Variants in KIAA1328 observed in about 807,000 individuals in gnomAD.
KIAA1328 encodes the protein protein hinderin.
A neutral mutation model predicts 68.1 loss-of-function variants in KIAA1328; 52 were observed. The ratio of observed to expected loss-of-function variants is 0.76; its 90% CI spans 0.61 to 0.96. The LOEUF (loss-of-function observed/expected upper bound fraction) is 0.96. KIAA1328 is among the 40% of genes least tolerant of loss of function. The probability of loss-of-function intolerance (pLI) is 0.00; values close to 1 mark genes in which losing one functional copy is unlikely to be tolerated. For synonymous variants in KIAA1328, 232 were observed against 239.4 expected, an observed-to-expected ratio of 0.97 and a Z score of 0.28; for missense variants, 641 against 677.6, an observed-to-expected ratio of 0.95 and a Z score of 0.60.
In KIAA1328 at chr18:37,172,964, T is replaced by G. The variant is rs757549749; in HGVS notation, c.1415-9T>G. On this transcript the variant is annotated splice_polypyrimidine_tract_variant and intron_variant, in intron 8 of 9. Coordinates refer to ENST00000280020, the MANE Select transcript of KIAA1328 (RefSeq NM_020776.3). ...AATGCCCAAATTATTTTCTTTATTT[T>G]TCATATAGGGACAGTGACAGGAGTT... 4.2e-5 allele frequency: 67 copies of G among 1,585,578 alleles called. 1 individual carries two copies. The South Asian group carries it at 7.6e-4, about 18-fold the overall frequency.
intron 7 of KIAA1328, among the ~76,000 whole-genome samples, chr18:37,159,807 C>T (rs1477967024): frequency 6.6e-6 from 1 of 152,102 alleles, no homozygotes; most frequent in Admixed American, 6.6e-5. Context: ...TTGTGTGAGG[C>T]ACATTGGTGA....
intron 6 of KIAA1328, among the ~76,000 whole-genome samples, chr18:37,023,448 A>G (rs1434463087): frequency 6.6e-6 from 1 of 152,032 alleles, no homozygotes; most frequent in Non-Finnish European, 1.5e-5. Flanking sequence ...CTGTATTGCA[A>G]ATGTAGAAGA....
In KIAA1328 at chr18:36,948,293, T is replaced by C. The variant is rs542456129; in HGVS notation, c.449-11015T>C. Among the ~76,000 whole-genome samples, 59 of 146,150 alleles carry C rather than the reference T, an allele frequency of 4.0e-4. 1 individual carries two copies. The highest frequency in any genetic ancestry group is 6.9e-4 in the Non-Finnish European group (46 of 66,352). On this transcript the variant is annotated intron_variant, in intron 5 of 9. Coordinates refer to ENST00000280020, the MANE Select transcript of KIAA1328 (RefSeq NM_020776.3). ...TTTTTTTTTTTTTGAGACAGAGTCTTACTCTGTCTCCAGGCTGGAGTGCTG... is the reference window on the plus strand; with the variant it reads ...TTTTTTTTTTTTTGAGACAGAGTCTCACTCTGTCTCCAGGCTGGAGTGCTG...
chr18:36,903,600 A>G (rs962652694), intron 5 of KIAA1328: 2 of 152,172 alleles, frequency 1.3e-5, no homozygotes, highest in African/African-American at 4.8e-5. Context: ...TATTGTGTGC[A>G]AATCACTGAC....
intron 5 of KIAA1328, among the ~76,000 whole-genome samples, chr18:36,912,592 C>T (rs1035425207): frequency 2.6e-5 from 4 of 152,268 alleles, no homozygotes; most frequent in Admixed American, 6.5e-5. Context: ...CGCCTGCCTA[C>T]CACAGTCTGC....
intron 7 of KIAA1328, among the ~76,000 whole-genome samples, chr18:37,150,528 A>G (rs1167948681): frequency 1.3e-5 from 2 of 151,974 alleles, no homozygotes; most frequent in African/African-American, 2.4e-5. Flanking sequence ...AAAGAAAATG[A>G]CAGGCCGGTC....
chr18:37,222,855 G>T lies in KIAA1328; in HGVS notation c.*628G>T, dbSNP rs1449416324. ...CAAAGAGCTCAATGGGCTGGAGGGTGAGACCCAGCCAATCCTTGGGAGCAA... is the reference window on the plus strand; with the variant it reads ...CAAAGAGCTCAATGGGCTGGAGGGTTAGACCCAGCCAATCCTTGGGAGCAA... On this transcript the variant is annotated 3_prime_UTR_variant, in exon 10 of 10. Coordinates refer to ENST00000280020, the MANE Select transcript of KIAA1328 (RefSeq NM_020776.3). 1.0e-6 allele frequency: 1 copy of T among 988,300 alleles called. No homozygotes were observed. Among genetic ancestry groups the T allele is most frequent in the Non-Finnish European group, 1.2e-6 (1 of 832,104 alleles). 61.2% of individuals were successfully genotyped at this position (988,300 alleles called of 1,614,324 possible). A position where few individuals can be genotyped will look rare whatever the true frequency, so the allele number is the denominator to read the frequency against.
chr18:37,168,965 G>A (rs910628449), intron 8 of KIAA1328, among the ~76,000 whole-genome samples: 44 of 151,930 alleles, frequency 2.9e-4, no homozygotes, highest in Admixed American at 1.3e-3. Flanking sequence ...AAATTGCCGT[G>A]AAATATACCC....
In KIAA1328 at chr18:36,943,658, G is replaced by T. The variant is rs1170286463; in HGVS notation, c.449-15650G>T. On this transcript the variant is annotated intron_variant, in intron 5 of 9. Transcript: ENST00000280020. ...GAACTAGAAAACAAGTCATTTGGGT[G>T]TTGGAAAACTGAATAATACTGTGAT... 2.6e-5 allele frequency among the ~76,000 whole-genome samples: 4 copies of T among 152,200 alleles called. No individual in the cohort carries two copies. In the East Asian group the frequency reaches 7.7e-4, roughly 29 times the overall value.
At chr18:37,157,365 C>T (rs2059174667) in intron 7 of KIAA1328, among the ~76,000 whole-genome samples, 1 of 151,900 alleles carries the variant, frequency 6.6e-6, no homozygotes, top group Admixed American at 6.6e-5. Context: ...TCTTCTACTC[C>T]CTTCTAGTTT....
chr18:36,973,638 T>A (rs895311383), intron 6 of KIAA1328, among the ~76,000 whole-genome samples: 2 of 152,074 alleles, frequency 1.3e-5, no homozygotes, highest in African/African-American at 4.8e-5. Context: ...CATGTCAGGC[T>A]AAATTGAATA....
At position 37,225,030 on chromosome 18, in the gene KIAA1328, T is replaced by C; in HGVS notation, c.*2803T>C. ...AACCTGATCCCCATGATGGGGACTT[T>C]TCTAGAGCACCCCAAATGTCATGGG... On this transcript the variant is annotated 3_prime_UTR_variant, in exon 10 of 10. Transcript: ENST00000280020. 2.0e-6 allele frequency: 2 copies of C among 985,410 alleles called. No individual in the cohort carries two copies. Among genetic ancestry groups the C allele is most frequent in the South Asian group, 9.4e-5 (2 of 21,278 alleles). 61.0% of individuals were successfully genotyped at this position (985,410 alleles called of 1,614,324 possible).
intron 6 of KIAA1328, among the ~76,000 whole-genome samples, chr18:37,056,705 C>T (rs2055922168): frequency 1.3e-5 from 2 of 152,096 alleles, no homozygotes; most frequent in African/African-American, 4.8e-5. Flanking sequence ...GGCTGGAGTG[C>T]AGTAGTGTGA....
intron 7 of KIAA1328, among the ~76,000 whole-genome samples, chr18:37,088,168 G>A (rs1308925727): frequency 1.3e-5 from 2 of 152,172 alleles, no homozygotes; most frequent in Non-Finnish European, 2.9e-5. Context: ...TGCTTGGCTA[G>A]TTGAGTTTCA....
intron 6 of KIAA1328, among the ~76,000 whole-genome samples, chr18:37,054,995 CA>C (rs2055853016): frequency 6.6e-6 from 1 of 152,002 alleles, no homozygotes; most frequent in South Asian, 2.1e-4. Flanking sequence ...TTTTAAATTC[CA>C]TAATTATTGA....
intron 9 of KIAA1328, among the ~76,000 whole-genome samples, chr18:37,189,715 G>T (rs2059869315): frequency 6.6e-6 from 1 of 152,112 alleles, no homozygotes; most frequent in Non-Finnish European, 1.5e-5. Flanking sequence ...TCTTTAGAGG[G>T]CTATTTATAT....
chr18:37,057,574 C>T (rs192089587), intron 6 of KIAA1328, among the ~76,000 whole-genome samples: 33 of 151,886 alleles, frequency 2.2e-4, no homozygotes, highest in Non-Finnish European at 4.3e-4. Context: ...ACTACAGGTG[C>T]ACACCACCAC....
chr18:36,959,246 A>G (rs1468980821), intron 5 of KIAA1328, 62 bp from the exon 6 acceptor site: 1 of 1,441,926 alleles, frequency 6.9e-7, no homozygotes, highest in Non-Finnish European at 9.2e-7. Flanking sequence ...TATGAAAAGC[A>G]GCATTGATGG....
chr18:37,039,515 C>A (rs549995456), intron 6 of KIAA1328, among the ~76,000 whole-genome samples: 5 of 151,914 alleles, frequency 3.3e-5, no homozygotes, highest in Admixed American at 6.6e-5. Context: ...CAGGTTCAAG[C>A]AATTCTCCTG....
Sources: allele counts gnomAD v4.1 joint callset (sites outside exome capture counted in the v4.1 genomes callset), GRCh38; gene constraint gnomAD v4.1.1; transcripts MANE v1.5; gene names NCBI Gene and HGNC (gene_info 2026-07-23, HGNC 2026-07-21).